The following MLLT3 variants were observed in gnomAD, a reference collection of about 807,000 sequenced individuals.
MLLT3 encodes the protein protein AF-9.
MLLT3 carries 4 observed loss-of-function variants against 53.2 expected under a neutral mutation model. That is an observed-to-expected ratio of 0.08 (90% CI 0.04 to 0.17). MLLT3 has a LOEUF of 0.17. Among genes scored for constraint, MLLT3 ranks in the 10% least tolerant of loss-of-function variants. MLLT3 has a pLI of 1.00. For synonymous variants in MLLT3, 283 were observed against 230.6 expected, an observed-to-expected ratio of 1.23 and a Z score of -2.06; for missense variants, 569 against 684.0, an observed-to-expected ratio of 0.83 and a Z score of 1.87.
At chr9:20,522,562 A>C (rs11999881) in intron 2 of MLLT3, among the ~76,000 whole-genome samples, 3,120 of 152,216 alleles carry the variant, frequency 0.02, 109 homozygotes, top group African/African-American at 0.07. Flanking sequence ...TGTTTCAAAT[A>C]GGTAAGGAAG....
intron 2 of MLLT3, among the ~76,000 whole-genome samples, chr9:20,512,052 G>A (rs1436733012): frequency 1.3e-5 from 2 of 152,182 alleles, no homozygotes; most frequent in Non-Finnish European, 2.9e-5. Context: ...AGTCTGAGCT[G>A]AAGATGAGAC....
intron 2 of MLLT3, among the ~76,000 whole-genome samples, chr9:20,545,072 G>A (rs999972517): frequency 1.6e-5 from 2 of 126,774 alleles, no homozygotes; most frequent in Non-Finnish European, 3.2e-5. Context: ...TCCAGCCTGG[G>A]TGACACAGCA....
intron 2 of MLLT3, among the ~76,000 whole-genome samples, chr9:20,591,201 T>G (rs930365955): frequency 6.6e-6 from 1 of 152,224 alleles, no homozygotes; most frequent in African/African-American, 2.4e-5. Context: ...TTTAGTATGT[T>G]TTTTTCTAGT....
At chr9:20,346,837 A>T (rs1160703789) in intron 10 of MLLT3, among the ~76,000 whole-genome samples, 1 of 152,156 alleles carries the variant, frequency 6.6e-6, no homozygotes, top group Non-Finnish European at 1.5e-5. Context: ...AGTCATGAAC[A>T]GAATATTTAA....
intron 3 of MLLT3, among the ~76,000 whole-genome samples, chr9:20,455,354 A>C (rs190868261): frequency 2.0e-5 from 3 of 152,336 alleles, no homozygotes; most frequent in East Asian, 3.9e-4. Flanking sequence ...TGAGACTGCT[A>C]TAAGTTAAAA....
chr9:20,515,459 G>C (rs1162919488), intron 2 of MLLT3, among the ~76,000 whole-genome samples: 1 of 152,094 alleles, frequency 6.6e-6, no homozygotes, highest in Non-Finnish European at 1.5e-5. Context: ...TCTTGGGCTT[G>C]AAGCCAACAC....
At chr9:20,411,688 T>C (rs934668746) in intron 5 of MLLT3, 1 of 152,210 alleles carries the variant, frequency 6.6e-6, no homozygotes, top group East Asian at 1.9e-4. Context: ...CAGAAGACTT[T>C]TCAAGGTATA....
chr9:20,485,161 G>A (rs553422304), intron 2 of MLLT3, among the ~76,000 whole-genome samples: 13 of 151,802 alleles, frequency 8.6e-5, no homozygotes, highest in Non-Finnish European at 1.9e-4. Context: ...GCTAATTTTT[G>A]TATTTTCAGT....
At chr9:20,539,183 T>C (rs551938071) in intron 2 of MLLT3, among the ~76,000 whole-genome samples, 3 of 152,356 alleles carry the variant, frequency 2.0e-5, no homozygotes, top group African/African-American at 4.8e-5. Context: ...GATTTCCCTG[T>C]GGCATGTGAT....
chr9:20,622,153 C>G (rs1774966808), intron 1 of MLLT3, 92 bp downstream of exon 1: 1 of 1,395,378 alleles, frequency 7.2e-7, no homozygotes, highest in Admixed American at 1.9e-5. Context: ...TAATTGGAAC[C>G]GCGGAGCGCT....
intron 2 of MLLT3, among the ~76,000 whole-genome samples, chr9:20,574,483 G>A (rs1819606874): frequency 1.3e-5 from 2 of 152,180 alleles, no homozygotes; most frequent in Admixed American, 1.3e-4. Flanking sequence ...TTGGGTTTCT[G>A]AGTGAATTTA....
rs551839178 is a variant in MLLT3 at position 20,448,914 on chromosome 9, T to G, written c.277-648A>C. 6.6e-6 allele frequency among the ~76,000 whole-genome samples: 1 copy of G among 152,176 alleles called. No individual in the cohort carries two copies. Among genetic ancestry groups the G allele is most frequent in the African/African-American group, 2.4e-5 (1 of 41,448 alleles). ...CACCATTCCCCTTCTGTCCATCTGA[T>G]GGCCTAGCAACATCCCATTACTGGT... On this transcript the variant is annotated intron_variant, in intron 3 of 10. Transcript: ENST00000380338. The surrounding 1 kb of genome is among the most constrained non-coding windows in gnomAD (Gnocchi z 4.0).
intron 2 of MLLT3, among the ~76,000 whole-genome samples, chr9:20,609,030 C>G (rs1378320780): frequency 6.6e-6 from 1 of 151,910 alleles, no homozygotes. Context: ...ATGATGTTAA[C>G]CTAAAAAAGA....
At chr9:20,457,923 A>T (rs144294317) in intron 2 of MLLT3, among the ~76,000 whole-genome samples, 8 of 152,238 alleles carry the variant, frequency 5.3e-5, no homozygotes, top group African/African-American at 1.9e-4. Flanking sequence ...GTACATGCCA[A>T]ATATCAAGGC....
chr9:20,498,390 A>C (rs1825135681), intron 2 of MLLT3, among the ~76,000 whole-genome samples: 1 of 151,840 alleles, frequency 6.6e-6, no homozygotes, highest in Admixed American at 6.6e-5. Flanking sequence ...ATCACTTATG[A>C]TGTCGAGTAT....
intron 2 of MLLT3, among the ~76,000 whole-genome samples, chr9:20,531,028 G>C (rs1587032941): frequency 7.1e-6 from 1 of 141,594 alleles, no homozygotes; most frequent in African/African-American, 2.6e-5. Flanking sequence ...GATACTTCTA[G>C]TTTTTTTCCC....
At chr9:20,542,270 G>T (rs988865855) in intron 2 of MLLT3, among the ~76,000 whole-genome samples, 1 of 135,094 alleles carries the variant, frequency 7.4e-6, no homozygotes, top group African/African-American at 2.8e-5. Flanking sequence ...TTGAGACGGA[G>T]TCTTGCTCTG....
At chr9:20,354,962 G>A (rs893340620) in intron 8 of MLLT3, 83 bp from the exon 9 acceptor site, 2 of 875,790 alleles carry the variant, frequency 2.3e-6, no homozygotes, top group Admixed American at 1.8e-5. Context: ...GGCATCCACT[G>A]AATGAAATGT....
intron 2 of MLLT3, among the ~76,000 whole-genome samples, chr9:20,500,204 G>A (rs555639388): frequency 1.7e-4 from 26 of 152,262 alleles, no homozygotes; most frequent in African/African-American, 5.5e-4. Context: ...AAGCAAGAGC[G>A]GTGCAGGGCT....
Sources: gnomAD v4.1 joint callset for allele counts (sites outside exome capture counted in the v4.1 genomes callset) on GRCh38, gnomAD v4.1.1 for gene constraint, Gnocchi (gnomAD v3.1) non-coding constraint, MANE v1.5 for transcripts, NCBI Gene and HGNC (gene_info 2026-07-23, HGNC 2026-07-21) for gene names.